PARP12: variants seen among roughly 807,000 people sequenced by gnomAD.
The protein encoded by PARP12 is protein mono-ADP-ribosyltransferase PARP12.
A neutral mutation model predicts 72.4 loss-of-function variants in PARP12; 59 were observed. The ratio of observed to expected loss-of-function variants is 0.81; its 90% CI spans 0.66 to 1.01. PARP12 has a LOEUF of 1.01. PARP12 is among the 50% of genes least tolerant of loss of function. PARP12 has a pLI of 0.00. For missense variants in PARP12, 851 were observed against 914.0 expected (o/e 0.93, Z 0.89); for synonymous variants, 403 against 371.4 (o/e 1.09, Z -0.98).
chr7:140,041,609 G>A, intron 6 of PARP12, 35 bp downstream of exon 6: 2 of 1,591,862 alleles, frequency 1.3e-6, no homozygotes, highest in East Asian at 2.2e-5. Context: ...CAGATCCTCA[G>A]GACAAAACAT....
chr7:140,028,560 C>T (rs1372029521), intron 9 of PARP12, 53 bp downstream of exon 9: 14 of 1,451,818 alleles, frequency 9.6e-6, no homozygotes, highest in Non-Finnish European at 1.2e-5. Flanking sequence ...TTCACACACA[C>T]CCACTTCTAC....
chr7:140,033,307 C>G (rs1816018783), intron 8 of PARP12: 2 of 985,342 alleles, frequency 2.0e-6, no homozygotes, highest in African/African-American at 3.5e-5. Flanking sequence ...TCTCCTCTAT[C>G]TTGTACCAAA....
chr7:140,039,238 G>A (rs372619353), intron 6 of PARP12, among the ~76,000 whole-genome samples: 1 of 152,304 alleles, frequency 6.6e-6, no homozygotes, highest in African/African-American at 2.4e-5. Context: ...CTGACAACAA[G>A]AGGAAAGGAA....
chr7:140,056,740 G>A (rs1025431565), intron 3 of PARP12, 116 bp downstream of exon 3: 51 of 1,080,644 alleles, frequency 4.7e-5, no homozygotes, highest in Non-Finnish European at 6.6e-5. Flanking sequence ...ACTAAAAGCA[G>A]CACCAGACTT....
rs1460486733 is a variant in PARP12, at chr7:140,027,388, A to C, written c.1516T>G (p.Ser506Ala). 1.9e-6 allele frequency: 3 copies of C among 1,614,028 alleles called. No individual in the cohort carries two copies. Among genetic ancestry groups the C allele is most frequent in the Non-Finnish European group, 2.5e-6 (3 of 1,179,908 alleles). Reference protein sequence around the residue: ...PGFQKITLSSSSEEYQKVWNL... With the variant: ...PGFQKITLSSASEEYQKVWNL... ...CAGACCTTCTGATACTCTTCCGAGG[A>C]AGAACTAAGGGTGATCTTCTGCAAG... Residue 506 changes from serine (S) to alanine (A), a missense_variant, in exon 10 of 12, where the codon TCC becomes GCC. Physicochemically the swap from Ser to Ala is moderately conservative, Grantham distance 99. This residue lies in a region of PARP12 where 347 missense variants were observed against 396.1 expected (regional missense o/e 0.88). Transcript: ENST00000263549.
rs776113130 is a variant in PARP12 at position 140,062,807 on chromosome 7, A to G, written c.41T>C (p.Leu14Pro). The change falls in exon 1 of 12, where the codon CTG (leucine) becomes CCG (proline). Residue 14 changes from leucine to proline, a missense_variant. Physicochemically the swap from Leu to Pro is moderately conservative, Grantham distance 98. This residue lies in a region of PARP12 where 492 missense variants were observed against 489.3 expected (regional missense o/e 1.01). Coordinates refer to ENST00000263549, the MANE Select transcript of PARP12 (RefSeq NM_022750.4). ...AGVVGEVTQVLCAAGGALELP... is the reference protein window; with the variant it reads ...AGVVGEVTQVPCAAGGALELP... ...CTCCAGGGCGCCCCCGGCCGCGCAC[A>G]GCACCTGGGTGACCTCACCGACGAC... is the stretch of plus-strand genomic sequence containing the variant. The G allele has an allele frequency of 4.3e-6, 6 of 1,410,894 alleles. No individual in the cohort carries two copies. The highest frequency in any genetic ancestry group is 5.6e-6 in the Non-Finnish European group (6 of 1,080,012). 87.4% of individuals were successfully genotyped at this position (1,410,894 alleles called of 1,614,324 possible).
rs759075211 is a variant in PARP12, at chr7:140,057,137, T to C, written c.479A>G (p.Asn160Ser). ...WLLPEICQHY[N>S]KGDGPHGSCA... ...AGAGCCGTGGGGTCCATCTCCTTTGTTGTAATGTTGGCAAATCTGTTGACA... is the reference window on the plus strand; with the variant it reads ...AGAGCCGTGGGGTCCATCTCCTTTGCTGTAATGTTGGCAAATCTGTTGACA... The change falls in exon 3 of 12, where the codon AAC (asparagine) becomes AGC (serine). Residue 160 changes from asparagine to serine, a missense_variant. Physicochemically the swap from Asn to Ser is conservative, Grantham distance 46. Transcript: ENST00000263549. 3 of 1,612,658 alleles carry C rather than the reference T, an allele frequency of 1.9e-6. No homozygotes were observed. The highest frequency in any genetic ancestry group is 1.7e-6 in the Non-Finnish European group (2 of 1,179,438).
At chr7:140,036,214 T>C (rs899996450) in intron 7 of PARP12, among the ~76,000 whole-genome samples, 1 of 152,236 alleles carries the variant, frequency 6.6e-6, no homozygotes, top group South Asian at 2.1e-4. Flanking sequence ...AGGTTGGGAA[T>C]GATCAAGGTA....
intron 5 of PARP12, among the ~76,000 whole-genome samples, chr7:140,042,219 A>G (rs1330901938): frequency 6.6e-6 from 1 of 152,244 alleles, no homozygotes; most frequent in Non-Finnish European, 1.5e-5. Flanking sequence ...TAAGCACTTT[A>G]TATGTATTAG....
intron 7 of PARP12, among the ~76,000 whole-genome samples, chr7:140,036,019 GAA>G: frequency 3.3e-5 from 2 of 59,738 alleles, no homozygotes; most frequent in Non-Finnish European, 5.9e-5. Context: ...AGAAGGAGGA[GAA>G]GGAGGAGAAG....
rs1384409182 is a variant in PARP12 at position 140,034,246 on chromosome 7, G to A, written c.1410C>T (p.Thr470=). 5 of 1,612,794 alleles carry A rather than the reference G, an allele frequency of 3.1e-6. No individual in the cohort carries two copies. In the Admixed American group the frequency reaches 5.0e-5, roughly 16 times the overall value. The change falls in exon 8 of 12, where the codon ACC becomes ACT. Residue 470 remains threonine, a synonymous_variant. Coordinates refer to ENST00000263549, the MANE Select transcript of PARP12 (RefSeq NM_022750.4). ...CCACTGCAACCTACCAGGTTTGCAT[G>A]GTCGTCACATCCTGGGGAGACACGT... ...PKYVSPQDVT[T]MQTCNTKFPG... is the part of the protein sequence containing the mutation.
intron 7 of PARP12, among the ~76,000 whole-genome samples, chr7:140,035,935 G>C (rs1569526862): frequency 8.4e-6 from 1 of 119,288 alleles, no homozygotes; most frequent in Non-Finnish European, 1.7e-5. Context: ...ACAAGGAGGA[G>C]GAGGAGGAGG....
At position 140,049,518 on chromosome 7, in the gene PARP12, T is replaced by TA. The variant is rs879307474; in HGVS notation, c.863-2512dup. Among the ~76,000 whole-genome samples the TA allele has an allele frequency of 3.5e-4, 53 of 152,240 alleles. 1 individual carries two copies. The highest frequency in any genetic ancestry group is 3.5e-3 in the Admixed American group (53 of 15,290). Reference sequence around the variant, plus strand: ...AGAAGGCCACCCCAGGGCATCCCAGTAGTCAAATGCTATACCTACAAACCC... The same window carrying TA: ...AGAAGGCCACCCCAGGGCATCCCAGTAAGTCAAATGCTATACCTACAAACCC... On this transcript the variant is annotated intron_variant, in intron 4 of 11. Coordinates refer to ENST00000263549, the MANE Select transcript of PARP12 (RefSeq NM_022750.4).
At chr7:140,062,144 G>GA (rs1470613438) in intron 1 of PARP12, among the ~76,000 whole-genome samples, 1 of 152,178 alleles carries the variant, frequency 6.6e-6, no homozygotes, top group African/African-American at 2.4e-5. Context: ...GCTGGGCAGA[G>GA]AAAACCTTCA....
intron 8 of PARP12, chr7:140,033,306 T>C (rs1485536394): frequency 5.1e-6 from 5 of 985,296 alleles, no homozygotes; most frequent in Non-Finnish European, 4.8e-6. Context: ...TTCTCCTCTA[T>C]CTTGTACCAA....
rs1569527770 is a variant in PARP12 at position 140,046,869 on chromosome 7, G to A, written c.986+15C>T. 1 of 1,605,626 alleles carries A rather than the reference G, an allele frequency of 6.2e-7. No homozygotes were observed. Among genetic ancestry groups the A allele is most frequent in the South Asian group, 1.1e-5 (1 of 90,442 alleles). ...AGCCCAGGCACAAAGCAGAGACAAGGGACATATTTCCTACCTTTCTATTTT... is the reference window on the plus strand; with the variant it reads ...AGCCCAGGCACAAAGCAGAGACAAGAGACATATTTCCTACCTTTCTATTTT... On this transcript the variant is annotated intron_variant, in intron 5 of 11. Transcript: ENST00000263549.
intron 8 of PARP12, among the ~76,000 whole-genome samples, chr7:140,032,484 C>T (rs1815976771): frequency 6.6e-6 from 1 of 152,014 alleles, no homozygotes; most frequent in Non-Finnish European, 1.5e-5. Context: ...GCCATACCTC[C>T]AAAATTTGAA....
At chr7:140,049,444 C>T (rs1232122819) in intron 4 of PARP12, among the ~76,000 whole-genome samples, 3 of 152,188 alleles carry the variant, frequency 2.0e-5, no homozygotes, top group African/African-American at 4.8e-5. Flanking sequence ...CCAACCAGTT[C>T]CTGTTCCCTC....
intron 6 of PARP12, chr7:140,038,189 G>A (rs923646105): frequency 7.2e-5 from 71 of 985,326 alleles, no homozygotes; most frequent in South Asian, 2.3e-4. Flanking sequence ...CAGCAACAGC[G>A]ACTTCTGGAG....
Sources: allele counts gnomAD v4.1 joint callset (sites outside exome capture counted in the v4.1 genomes callset), GRCh38; gene constraint gnomAD v4.1.1; regional missense constraint gnomAD v4.1.1; transcripts MANE v1.5; gene names NCBI Gene and HGNC (gene_info 2026-07-23, HGNC 2026-07-21).